PRKN: variants seen among roughly 807,000 people sequenced by gnomAD.
PRKN encodes the protein parkin RBR E3 ubiquitin protein ligase, also known as E3 ubiquitin-protein ligase parkin.
In PRKN, 56 loss-of-function variants were observed where a neutral mutation model predicts 59.5. That is an observed-to-expected ratio of 0.94 (90% CI 0.76 to 1.18). The LOEUF (loss-of-function observed/expected upper bound fraction) is 1.18, where lower values mean the gene tolerates loss of function less well. Ranked by LOEUF, PRKN falls within the 50% of genes most tolerant of loss-of-function variation. The probability of loss-of-function intolerance (pLI) is 0.00; values close to 1 mark genes in which losing one functional copy is unlikely to be tolerated. For missense variants in PRKN, 657 were observed against 596.4 expected, an observed-to-expected ratio of 1.10 and a Z score of -1.06; for synonymous variants, 250 against 222.1, an observed-to-expected ratio of 1.13 and a Z score of -1.12.
rs1179041087 is a variant in PRKN at position 161,593,593 on chromosome 6, T to C, written c.872-24177A>G. Among the ~76,000 whole-genome samples the C allele has an allele frequency of 6.6e-6, 1 of 152,048 alleles. No homozygotes were observed. The highest frequency in any genetic ancestry group is 1.5e-5 in the Non-Finnish European group (1 of 68,008). On this transcript the variant is annotated intron_variant, in intron 7 of 11. Transcript: ENST00000366898. The surrounding 1 kb of genome is among the most constrained non-coding windows in gnomAD (Gnocchi z 4.8). ...AGCAGGTCTTGCTGGTGGGCTGCCCTGTGGAGCAGACAAAGGAAAAGGAGG... is the reference window on the plus strand; with the variant it reads ...AGCAGGTCTTGCTGGTGGGCTGCCCCGTGGAGCAGACAAAGGAAAAGGAGG...
chr6:162,042,241 A>G (rs1168321180), intron 5 of PRKN, among the ~76,000 whole-genome samples: 1 of 152,136 alleles, frequency 6.6e-6, no homozygotes, highest in Non-Finnish European at 1.5e-5. Flanking sequence ...TTTTATTGAA[A>G]TAAAAGCAAA....
chr6:161,867,476 G>A (rs1794156639), intron 6 of PRKN, among the ~76,000 whole-genome samples: 1 of 152,160 alleles, frequency 6.6e-6, no homozygotes, highest in South Asian at 2.1e-4. Flanking sequence ...GCCACATTTA[G>A]TCAGAGGGCC....
At chr6:162,643,381 G>T (rs1778036959) in intron 1 of PRKN, among the ~76,000 whole-genome samples, 1 of 103,330 alleles carries the variant, frequency 9.7e-6, no homozygotes. Context: ...CTGGGTGACA[G>T]AGCAAGACTC....
At chr6:162,661,332 A>T (rs909664522) in intron 1 of PRKN, among the ~76,000 whole-genome samples, 9 of 152,210 alleles carry the variant, frequency 5.9e-5, no homozygotes, top group African/African-American at 1.9e-4. Flanking sequence ...TGAGTTAGGA[A>T]CTTAAAGAAC....
At chr6:162,338,113 G>A (rs1461497654) in intron 2 of PRKN, among the ~76,000 whole-genome samples, 2 of 151,916 alleles carry the variant, frequency 1.3e-5, no homozygotes, top group East Asian at 2.0e-4. Flanking sequence ...GAGACAGAAG[G>A]AGAAGAAGCA....
intron 2 of PRKN, among the ~76,000 whole-genome samples, chr6:162,298,994 G>A (rs1377247360): frequency 6.6e-6 from 1 of 152,154 alleles, no homozygotes; most frequent in African/African-American, 2.4e-5. Context: ...GCTAAAAAGA[G>A]CCTCCACATC....
In PRKN at chr6:161,621,388, TGGTGGGGGTTG is replaced by T. The variant is rs1162855806; in HGVS notation, c.872-51983_872-51973del. Among the ~76,000 whole-genome samples, 5 of 152,238 alleles carry T rather than the reference TGGTGGGGGTTG, an allele frequency of 3.3e-5. No individual in the cohort carries two copies. The East Asian group carries it at 9.7e-4, about 29-fold the overall frequency. On this transcript the variant is annotated intron_variant, in intron 7 of 11. Coordinates refer to ENST00000366898, the MANE Select transcript of PRKN (RefSeq NM_004562.3). ...GATAGTGTAATTCTCAGTCTGAGGCTGGTGGGGGTTGGGTGCTGATGAAAGTCCTTGAGTCC... is the reference window on the plus strand; with the variant it reads ...GATAGTGTAATTCTCAGTCTGAGGCTGGTGCTGATGAAAGTCCTTGAGTCC...
At chr6:162,017,170 C>T (rs1412771950) in intron 5 of PRKN, among the ~76,000 whole-genome samples, 1 of 152,144 alleles carries the variant, frequency 6.6e-6, no homozygotes, top group Non-Finnish European at 1.5e-5. Context: ...ATTTTTAGAA[C>T]TTCCATAGGG....
intron 1 of PRKN, among the ~76,000 whole-genome samples, chr6:162,482,675 T>C (rs2023005): frequency 0.15 from 22,276 of 152,170 alleles, 1,819 homozygotes; most frequent in Non-Finnish European, 0.17. Context: ...GAACCAAGTA[T>C]ACTATGTAAA....
chr6:161,785,344 T>G (rs1790370175), intron 7 of PRKN, among the ~76,000 whole-genome samples: 2 of 152,222 alleles, frequency 1.3e-5, no homozygotes, highest in Admixed American at 6.5e-5. Context: ...AGTTCAGGTT[T>G]ATCTCATTCT....
At chr6:162,493,107 T>C (rs954091117) in intron 1 of PRKN, among the ~76,000 whole-genome samples, 14 of 152,240 alleles carry the variant, frequency 9.2e-5, no homozygotes, top group African/African-American at 3.4e-4. Flanking sequence ...TACCAGCCTA[T>C]CTCTTACTTC....
chr6:161,807,158 C>G (rs1791365995), intron 6 of PRKN, among the ~76,000 whole-genome samples: 1 of 152,120 alleles, frequency 6.6e-6, no homozygotes. Context: ...TGAGAACGAG[C>G]AATATTCTGT....
chr6:162,696,801 C>T (rs1216549070), intron 1 of PRKN, among the ~76,000 whole-genome samples: 2 of 151,922 alleles, frequency 1.3e-5, no homozygotes, highest in African/African-American at 4.8e-5. Context: ...CTACCTCGGC[C>T]TCCCAAGGTG....
intron 6 of PRKN, among the ~76,000 whole-genome samples, chr6:161,901,130 C>CTGG (rs1777902273): frequency 6.6e-6 from 1 of 151,920 alleles, no homozygotes; most frequent in South Asian, 2.1e-4. Context: ...GTTAGCCAGG[C>CTGG]TGGTCTCAAA....
rs1007621757 is a variant in PRKN, at chr6:161,533,066, A to G, written c.1083+15788T>C. ...CAGCATAATAAAGATGGGTGAGTAT[A>G]AATATTCTATAGTGTACCATATTAG... On this transcript the variant is annotated intron_variant, in intron 9 of 11. Transcript: ENST00000366898. This position sits in a 1 kb window ranked among gnomAD's most constrained non-coding sequence, Gnocchi z 4.1. Among the ~76,000 whole-genome samples the G allele has an allele frequency of 6.6e-6, 1 of 152,348 alleles. No homozygotes were observed. The highest frequency in any genetic ancestry group is 1.9e-4 in the East Asian group (1 of 5,186).
chr6:162,476,709 C>T (rs1020382828), intron 1 of PRKN, among the ~76,000 whole-genome samples: 7 of 151,978 alleles, frequency 4.6e-5, no homozygotes, highest in African/African-American at 1.7e-4. Flanking sequence ...AACGTGATAC[C>T]CCAGCCACAA....
intron 1 of PRKN, among the ~76,000 whole-genome samples, chr6:162,704,015 C>A (rs1038008757): frequency 1.3e-5 from 2 of 152,124 alleles, no homozygotes; most frequent in African/African-American, 4.8e-5. Context: ...TAATTAAGCG[C>A]CTTAGCTAAG....
At chr6:161,435,082 G>T (rs994291178) in intron 9 of PRKN, among the ~76,000 whole-genome samples, 1 of 152,144 alleles carries the variant, frequency 6.6e-6, no homozygotes, top group Non-Finnish European at 1.5e-5. Context: ...TGGTAACTAG[G>T]TTAATGTGAA....
chr6:162,499,931 A>C (rs1213221462), intron 1 of PRKN, among the ~76,000 whole-genome samples: 1 of 152,280 alleles, frequency 6.6e-6, no homozygotes, highest in East Asian at 1.9e-4. Context: ...TTGCCTTGAC[A>C]ATATATCTAT....
Sources: gnomAD v4.1 joint callset for allele counts (sites outside exome capture counted in the v4.1 genomes callset) on GRCh38, gnomAD v4.1.1 for gene constraint, Gnocchi (gnomAD v3.1) non-coding constraint, MANE v1.5 for transcripts, NCBI Gene and HGNC (gene_info 2026-07-23, HGNC 2026-07-21) for gene names.